Variants in EPB41 observed in about 807,000 individuals in gnomAD.
EPB41 encodes protein 4.1.
EPB41 carries 65 observed loss-of-function variants against 108.0 expected under a neutral mutation model. The observed-to-expected ratio is 0.60, with a 90% CI of 0.49 to 0.74. The LOEUF is 0.74. EPB41 is among the 30% of genes least tolerant of loss of function. The probability of loss-of-function intolerance (pLI) is 0.00; values close to 1 mark genes in which losing one functional copy is unlikely to be tolerated. For missense variants in EPB41, 875 were observed against 1,037.0 expected (o/e 0.84, Z 2.15); for synonymous variants, 336 against 358.9 (o/e 0.94, Z 0.72).
chr1:28,923,700 A>T (rs2093278016), intron 1 of EPB41, among the ~76,000 whole-genome samples: 1 of 152,192 alleles, frequency 6.6e-6, no homozygotes, highest in Non-Finnish European at 1.5e-5. Context: ...TATTTAATGT[A>T]TTCTCTTTGG....
Position 29,109,447 on chromosome 1 carries a change from C to T in EPB41, c.2415+10C>T, listed in dbSNP as rs1290691867. The stretch of plus-strand genomic sequence containing the variant: ...AACTCAAATTACCAAGGTAACAGAC[C>T]AGCTAGAACCTCTTTATGGAACCCA... On this transcript the variant is annotated intron_variant, in intron 18 of 20. Transcript: ENST00000343067. 2 of 1,610,520 alleles carry T rather than the reference C, an allele frequency of 1.2e-6. No homozygotes were observed. Among genetic ancestry groups the T allele is most frequent in the Admixed American group, 1.7e-5 (1 of 59,980 alleles).
upstream of EPB41, among the ~76,000 whole-genome samples, chr1:28,913,410 C>T (rs989144264): frequency 6.6e-6 from 1 of 152,126 alleles, no homozygotes; most frequent in African/African-American, 2.4e-5. Context: ...CGCACTCCAG[C>T]CTGGTGACAG....
intron 1 of EPB41, chr1:28,889,653 T>C (rs1426192695): frequency 1.5e-5 from 3 of 203,842 alleles, no homozygotes; most frequent in Non-Finnish European, 2.6e-5. Context: ...AGACCTCTGT[T>C]GGCTGGGGCT....
chr1:29,067,097 A>G (rs1027493696), intron 16 of EPB41, among the ~76,000 whole-genome samples: 15 of 151,118 alleles, frequency 9.9e-5, no homozygotes, highest in African/African-American at 3.7e-4. Context: ...GCTCACACCT[A>G]TAGTCCTAGC....
intron 9 of EPB41, 22 bp from the exon 10 acceptor site, chr1:29,035,804 A>T (rs1263165832): frequency 6.4e-7 from 1 of 1,565,076 alleles, no homozygotes; most frequent in Non-Finnish European, 8.8e-7. Flanking sequence ...TTCATGTCCC[A>T]TGTTTATTTG....
chr1:29,007,396 G>A (rs764365095), intron 4 of EPB41, among the ~76,000 whole-genome samples: 10 of 152,158 alleles, frequency 6.6e-5, no homozygotes, highest in Non-Finnish European at 1.3e-4. Context: ...TGTTGGACAT[G>A]TTCCTAGGTG....
chr1:28,931,530 A>ATT (rs201647126), intron 1 of EPB41, among the ~76,000 whole-genome samples: 4 of 141,210 alleles, frequency 2.8e-5, no homozygotes, highest in African/African-American at 7.8e-5. Flanking sequence ...TGACTTTGTA[A>ATT]TTTTTTTTTT....
chr1:28,956,174 A>T (rs551029642), intron 1 of EPB41, among the ~76,000 whole-genome samples: 14 of 152,368 alleles, frequency 9.2e-5, no homozygotes, highest in African/African-American at 1.7e-4. Context: ...TTGCATGTGT[A>T]AAATATTCCT....
Position 29,111,631 on chromosome 1 carries a change from C to T in EPB41, c.2416-737C>T, listed in dbSNP as rs555377403. 2.6e-4 allele frequency among the ~76,000 whole-genome samples: 40 copies of T among 151,074 alleles called. No individual in the cohort carries two copies. The South Asian group carries it at 7.7e-3, about 29-fold the overall frequency. On this transcript the variant is annotated intron_variant, in intron 18 of 20. Coordinates refer to ENST00000343067, the MANE Select transcript of EPB41 (RefSeq NM_001376013.1). ...TCGCACCACTGTACTCCAGCCTGGG[C>T]GACAGAGCAAGACTCCGTCTCAAAA...
intron 1 of EPB41, chr1:28,889,684 A>G (rs1350554839): frequency 2.5e-6 from 1 of 401,714 alleles, no homozygotes; most frequent in African/African-American, 2.2e-5. Context: ...GATGGAACCT[A>G]GGCTGCAGGG....
intron 6 of EPB41, among the ~76,000 whole-genome samples, chr1:29,016,389 A>T (rs912702002): frequency 1.5e-5 from 2 of 137,074 alleles, no homozygotes; most frequent in Non-Finnish European, 3.1e-5. Context: ...GGTTTTCGCC[A>T]TGTTGGCCAG....
chr1:28,935,470 C>CCACACACACACACACACACACA (rs1557725657), intron 1 of EPB41, among the ~76,000 whole-genome samples: 2 of 80,412 alleles, frequency 2.5e-5, no homozygotes, highest in Non-Finnish European at 5.3e-5. Flanking sequence ...CACACACACC[C>CCACACACACACACACACACACA]CCCCCCCCCC....
upstream of EPB41, among the ~76,000 whole-genome samples, chr1:28,913,166 C>T (rs1396681272): frequency 6.6e-6 from 1 of 151,902 alleles, no homozygotes; most frequent in Non-Finnish European, 1.5e-5. Flanking sequence ...AAATGAGGCA[C>T]AGCCGGGCGC....
At chr1:28,954,292 G>A (rs1015249517) in intron 1 of EPB41, among the ~76,000 whole-genome samples, 1 of 152,170 alleles carries the variant, frequency 6.6e-6, no homozygotes, top group Non-Finnish European at 1.5e-5. Flanking sequence ...TAAAAGAAAA[G>A]TGCTAAATAA....
At chr1:28,942,859 G>A (rs1477948265) in intron 1 of EPB41, among the ~76,000 whole-genome samples, 1 of 152,218 alleles carries the variant, frequency 6.6e-6, no homozygotes, top group Non-Finnish European at 1.5e-5. Context: ...AGTATTCACA[G>A]AGACCCTTAG....
chr1:29,110,988 G>A (rs946526552), intron 18 of EPB41, among the ~76,000 whole-genome samples: 3 of 152,046 alleles, frequency 2.0e-5, no homozygotes, highest in African/African-American at 7.2e-5. Context: ...CCAACATGGC[G>A]AAACCCCATC....
At chr1:28,937,916 T>TA (rs1026672078) in intron 1 of EPB41, among the ~76,000 whole-genome samples, 1 of 152,218 alleles carries the variant, frequency 6.6e-6, no homozygotes, top group African/African-American at 2.4e-5. Flanking sequence ...CACTTGCAGG[T>TA]AGATGTCCAG....
chr1:29,090,454 T>C (rs562333540), intron 16 of EPB41, among the ~76,000 whole-genome samples: 1 of 152,074 alleles, frequency 6.6e-6, no homozygotes, highest in South Asian at 2.1e-4. Context: ...ACTAATATGA[T>C]AGAAGTGACG....
At chr1:29,057,092 A>G (rs1352675474) in intron 12 of EPB41, among the ~76,000 whole-genome samples, 1 of 151,750 alleles carries the variant, frequency 6.6e-6, no homozygotes, top group Non-Finnish European at 1.5e-5. Context: ...ATGACCCAAA[A>G]CCAGCCAGGC....
Sources: allele counts gnomAD v4.1 joint callset (sites outside exome capture counted in the v4.1 genomes callset), GRCh38; gene constraint gnomAD v4.1.1; transcripts MANE v1.5; gene names NCBI Gene and HGNC (gene_info 2026-07-23, HGNC 2026-07-21).